Variants in GPC5 observed in about 807,000 individuals in gnomAD.
GPC5 encodes glypican 5.
Under a neutral mutation model 53.9 loss-of-function variants are expected in GPC5, and 47 were observed. The observed-to-expected ratio is 0.87, with a 90% confidence interval of 0.69 to 1.11. The LOEUF (loss-of-function observed/expected upper bound fraction) is 1.11. Ranked by LOEUF, GPC5 falls within the 50% of genes most tolerant of loss-of-function variation. The pLI, the probability that GPC5 is intolerant of heterozygous loss-of-function variation, is 0.00. For synonymous variants in GPC5, 286 were observed against 263.3 expected, an observed-to-expected ratio of 1.09 and a Z score of -0.84; for missense variants, 748 against 713.1, an observed-to-expected ratio of 1.05 and a Z score of -0.56.
chr13:92,259,649 G>A (rs890394438), intron 7 of GPC5, among the ~76,000 whole-genome samples: 2 of 152,104 alleles, frequency 1.3e-5, no homozygotes, highest in African/African-American at 4.8e-5. Flanking sequence ...GTGTGGGGGC[G>A]GCTAATGTTC....
At chr13:92,801,419 C>T (rs1195871536) in intron 7 of GPC5, among the ~76,000 whole-genome samples, 5 of 151,660 alleles carry the variant, frequency 3.3e-5, no homozygotes, top group African/African-American at 9.7e-5. Flanking sequence ...CACCCTACTG[C>T]CAGTCACATA....
chr13:91,832,096 A>G (rs189811910), intron 5 of GPC5, among the ~76,000 whole-genome samples: 122 of 151,810 alleles, frequency 8.0e-4, no homozygotes, highest in African/African-American at 2.8e-3. Flanking sequence ...GGGAGTTTAA[A>G]TCTCTTTGTA....
intron 6 of GPC5, among the ~76,000 whole-genome samples, chr13:92,128,540 A>T (rs1426811607): frequency 6.6e-6 from 1 of 152,214 alleles, no homozygotes; most frequent in African/African-American, 2.4e-5. Context: ...AATATCTCAG[A>T]ATGATTGTTA....
At chr13:91,758,907 C>G (rs2037351614) in intron 5 of GPC5, among the ~76,000 whole-genome samples, 1 of 152,092 alleles carries the variant, frequency 6.6e-6, no homozygotes, top group Non-Finnish European at 1.5e-5. Context: ...GCACATCTTT[C>G]TCTTCCATTT....
At chr13:91,710,872 T>C (rs2036210411) in intron 3 of GPC5, among the ~76,000 whole-genome samples, 1 of 152,236 alleles carries the variant, frequency 6.6e-6, no homozygotes. Context: ...AGTTGCATGA[T>C]CTTAATTAAG....
intron 7 of GPC5, among the ~76,000 whole-genome samples, chr13:92,187,372 G>T (rs986013906): frequency 6.6e-6 from 1 of 152,134 alleles, no homozygotes; most frequent in Non-Finnish European, 1.5e-5. Context: ...TAGAGTGCTT[G>T]CTTCCCCTTG....
At chr13:92,803,499 T>C (rs1876981396) in intron 7 of GPC5, among the ~76,000 whole-genome samples, 1 of 151,964 alleles carries the variant, frequency 6.6e-6, no homozygotes, top group African/African-American at 2.4e-5. Flanking sequence ...TTCTGTCTTT[T>C]GTATGACATC....
intron 7 of GPC5, among the ~76,000 whole-genome samples, chr13:92,418,210 G>A (rs77803345): frequency 0.016 from 2,475 of 152,144 alleles, 67 homozygotes; most frequent in African/African-American, 0.056. Context: ...TCTTTTTGGG[G>A]TGAAAAAAAT....
chr13:92,119,567 A>AAT (rs2041630826), intron 6 of GPC5, among the ~76,000 whole-genome samples: 1 of 70,614 alleles, frequency 1.4e-5, no homozygotes, highest in African/African-American at 5.9e-5. Context: ...CGCCTGGCTA[A>AAT]TTTTTTTTTT....
At chr13:91,650,611 T>G (rs1002117343) in intron 2 of GPC5, among the ~76,000 whole-genome samples, 4 of 152,070 alleles carry the variant, frequency 2.6e-5, no homozygotes, top group African/African-American at 9.7e-5. Flanking sequence ...TTGAAGAAAC[T>G]TAGTTTTCAA....
chr13:92,091,988 T>C (rs1255687229), intron 6 of GPC5, among the ~76,000 whole-genome samples: 1 of 152,186 alleles, frequency 6.6e-6, no homozygotes. Flanking sequence ...TAAATAAATA[T>C]ATTTGAGGTA....
intron 5 of GPC5, among the ~76,000 whole-genome samples, chr13:91,806,981 C>T (rs567212978): frequency 3.0e-4 from 46 of 152,136 alleles, no homozygotes; most frequent in Non-Finnish European, 6.0e-4. Context: ...GCATTTAATG[C>T]ATGCTCTTTT....
chr13:92,064,105 T>C (rs1380568941), intron 6 of GPC5, among the ~76,000 whole-genome samples: 2 of 152,116 alleles, frequency 1.3e-5, no homozygotes, highest in African/African-American at 4.8e-5. Context: ...AATTTCTAAG[T>C]ATAGGGACAT....
At chr13:92,275,524 C>T (rs2042869242) in intron 7 of GPC5, among the ~76,000 whole-genome samples, 1 of 152,096 alleles carries the variant, frequency 6.6e-6, no homozygotes, top group African/African-American at 2.4e-5. Flanking sequence ...AACAATAAGT[C>T]AGAATTGGGG....
chr13:92,259,923 T>A (rs76600760), intron 7 of GPC5, among the ~76,000 whole-genome samples: 5,730 of 152,210 alleles, frequency 0.038, 379 homozygotes, highest in African/African-American at 0.13. Context: ...TCCTGCCAGC[T>A]GTCTCAGGAG....
intron 7 of GPC5, among the ~76,000 whole-genome samples, chr13:92,800,245 T>C (rs1200887987): frequency 6.6e-6 from 1 of 151,856 alleles, no homozygotes; most frequent in Non-Finnish European, 1.5e-5. Flanking sequence ...AGAATTTACA[T>C]TAATAAACTG....
intron 7 of GPC5, among the ~76,000 whole-genome samples, chr13:92,761,190 CTG>C (rs1875161166): frequency 6.6e-6 from 1 of 152,164 alleles, no homozygotes; most frequent in Admixed American, 6.6e-5. Context: ...CAGATTCTCA[CTG>C]TGTTGCTCAG....
chr13:91,439,300 C>A (rs768814379), intron 1 of GPC5, among the ~76,000 whole-genome samples: 1 of 152,318 alleles, frequency 6.6e-6, no homozygotes, highest in East Asian at 1.9e-4. Context: ...AGGAATGCTG[C>A]TAAGCATCTT....
In GPC5 at chr13:92,485,849, C is replaced by T. The variant is rs147082375; in HGVS notation, c.1561+340860C>T. Among the ~76,000 whole-genome samples the T allele has an allele frequency of 6.2e-3, 950 of 152,262 alleles. 6 individuals carry two copies. Among genetic ancestry groups the T allele is most frequent in the Non-Finnish European group, 9.7e-3 (659 of 68,020 alleles). ...GACTTGGTGGTGGACACCTGTAATG[C>T]CAGCTACTCTGGAGGCTGAGGCAGG... On this transcript the variant is annotated intron_variant, in intron 7 of 7. Coordinates refer to ENST00000377067, the MANE Select transcript of GPC5 (RefSeq NM_004466.6).
Sources: allele counts gnomAD v4.1 joint callset (sites outside exome capture counted in the v4.1 genomes callset), GRCh38; gene constraint gnomAD v4.1.1; transcripts MANE v1.5; gene names NCBI Gene and HGNC (gene_info 2026-07-23, HGNC 2026-07-21).